The following FNDC3B variants were observed in gnomAD, a reference collection of about 807,000 sequenced individuals.
FNDC3B encodes the protein fibronectin type III domain containing 3B.
Under a neutral mutation model 151.5 loss-of-function variants are expected in FNDC3B, and 12 were observed. That is an observed-to-expected ratio of 0.08 (90% CI 0.05 to 0.13). The LOEUF (loss-of-function observed/expected upper bound fraction) is 0.13. Ranked by LOEUF, FNDC3B falls within the 10% of genes least tolerant of loss-of-function variation. The pLI, the probability that FNDC3B is intolerant of heterozygous loss-of-function variation, is 1.00. For synonymous variants in FNDC3B, 528 were observed against 549.0 expected, an observed-to-expected ratio of 0.96 and a Z score of 0.54; for missense variants, 1,214 against 1,505.3, an observed-to-expected ratio of 0.81 and a Z score of 3.20.
At chr3:172,197,786 CTG>C (rs1724913576) in intron 3 of FNDC3B, among the ~76,000 whole-genome samples, 1 of 152,214 alleles carries the variant, frequency 6.6e-6, no homozygotes, top group Non-Finnish European at 1.5e-5. Flanking sequence ...AGAAGTGACA[CTG>C]TGCTCTCATT....
In FNDC3B at chr3:172,352,993, C is replaced by A; in HGVS notation, c.2705C>A (p.Ala902Asp). The change falls in exon 22 of 26, where the codon GCT becomes GAT. Residue 902 changes from alanine to aspartate, a missense_variant. By Grantham distance (126) the Ala-to-Asp change is moderately radical (BLOSUM62 -2). Transcript: ENST00000415807. This position sits in a 1 kb window ranked among gnomAD's most constrained non-coding sequence, Gnocchi z 4.2. Reference sequence around the variant, plus strand: ...TGCAATAACGGATCTGAAATCCTTGCTTACACCATTGATCTAGGAGACACT... The same window carrying A: ...TGCAATAACGGATCTGAAATCCTTGATTACACCATTGATCTAGGAGACACT... ...EPCNNGSEIL[A>D]YTIDLGDTSI... 1 of 1,614,160 alleles carries A rather than the reference C, an allele frequency of 6.2e-7. No individual in the cohort carries two copies. Among genetic ancestry groups the A allele is most frequent in the Non-Finnish European group, 8.5e-7 (1 of 1,180,016 alleles).
intron 3 of FNDC3B, among the ~76,000 whole-genome samples, chr3:172,205,653 A>G (rs926335996): frequency 4.6e-5 from 7 of 152,164 alleles, no homozygotes; most frequent in Non-Finnish European, 8.8e-5. Flanking sequence ...AGAGTTTTCT[A>G]TTTATCTTTC....
chr3:172,090,701 T>C lies in FNDC3B; in HGVS notation c.-28-21751T>C, dbSNP rs112402662. On this transcript the variant is annotated intron_variant, in intron 1 of 25. Coordinates refer to ENST00000415807, the MANE Select transcript of FNDC3B (RefSeq NM_022763.4). Reference sequence around the variant, plus strand: ...TCCGGGTACTGAAGATAATACAGATTGAGTATCTGCAATTTGAAAATCCAA... The same window carrying C: ...TCCGGGTACTGAAGATAATACAGATCGAGTATCTGCAATTTGAAAATCCAA... Among the ~76,000 whole-genome samples, 920 of 152,276 alleles carry C rather than the reference T, an allele frequency of 6.0e-3. 5 individuals carry two copies. Among genetic ancestry groups the C allele is most frequent in the African/African-American group, 0.021 (867 of 41,532 alleles).
intron 22 of FNDC3B, among the ~76,000 whole-genome samples, chr3:172,356,330 G>A (rs1734096659): frequency 6.6e-6 from 1 of 152,146 alleles, no homozygotes; most frequent in South Asian, 2.1e-4. Context: ...CATTAAAAAG[G>A]GGATAATAAT....
At chr3:172,388,359 A>G (rs1735833902) in intron 25 of FNDC3B, among the ~76,000 whole-genome samples, 2 of 152,240 alleles carry the variant, frequency 1.3e-5, no homozygotes, top group Non-Finnish European at 2.9e-5. Flanking sequence ...AAACATGTCA[A>G]GATTACTTTA....
At chr3:172,125,642 A>T (rs1720775477) in intron 2 of FNDC3B, among the ~76,000 whole-genome samples, 1 of 152,208 alleles carries the variant, frequency 6.6e-6, no homozygotes, top group Non-Finnish European at 1.5e-5. Flanking sequence ...AAACCTTGTA[A>T]GATTTGAACA....
chr3:172,346,409 C>T lies in FNDC3B; in HGVS notation c.2333C>T (p.Thr778Ile), dbSNP rs779461095. The change falls in exon 20 of 26, where the codon ACA (threonine) becomes ATA (isoleucine). Residue 778 changes from threonine to isoleucine, a missense_variant. Thr to Ile is a moderately conservative substitution (Grantham distance 89). Around this residue, in one of 7 missense-constraint regions of FNDC3B, gnomAD observed 380 missense variants for 420.9 expected, o/e 0.90. Transcript: ENST00000415807. The stretch of plus-strand genomic sequence containing the variant: ...TGCAAAGCACCTTGTATTTCTTGTA[C>T]ACCTGATGGATGTGTCTTAGTGGGT... ...GQCKAPCISC[T>I]PDGCVLVGWE... 28 of 1,613,190 alleles carry T rather than the reference C, an allele frequency of 1.7e-5. No homozygotes were observed. The highest frequency in any genetic ancestry group is 2.2e-5 in the Non-Finnish European group (26 of 1,179,284).
At chr3:172,229,570 A>T (rs1726783084) in intron 4 of FNDC3B, among the ~76,000 whole-genome samples, 1 of 152,108 alleles carries the variant, frequency 6.6e-6, no homozygotes, top group African/African-American at 2.4e-5. Flanking sequence ...TTTTTTCAGC[A>T]TCTGTGATTC....
intron 3 of FNDC3B, among the ~76,000 whole-genome samples, chr3:172,226,032 G>A (rs1394662181): frequency 6.6e-6 from 1 of 152,004 alleles, no homozygotes; most frequent in Non-Finnish European, 1.5e-5. Context: ...TCTAGACCTG[G>A]CACGGTGGCT....
At chr3:172,137,816 TTATTCTCACTTGGGGTTAGCC>T (rs1721447670) in intron 3 of FNDC3B, among the ~76,000 whole-genome samples, 1 of 152,196 alleles carries the variant, frequency 6.6e-6, no homozygotes, top group Non-Finnish European at 1.5e-5. Flanking sequence ...AGGTCATAGT[TTATTCTCACTTGGGGTTAGCC>T]TATACCTATG....
In FNDC3B at chr3:172,072,970, C is replaced by T. The variant is rs563284561; in HGVS notation, c.-29+33199C>T. On this transcript the variant is annotated intron_variant, in intron 1 of 25. Transcript: ENST00000415807. Reference sequence around the variant, plus strand: ...TTTTCTTTGTGTTGATGAAAAGGGCCGGAGTAGTTGTTTCCACCAGCCATG... The same window carrying T: ...TTTTCTTTGTGTTGATGAAAAGGGCTGGAGTAGTTGTTTCCACCAGCCATG... Among the ~76,000 whole-genome samples the T allele has an allele frequency of 2.9e-4, 44 of 152,174 alleles. 1 individual carries two copies. The highest frequency in any genetic ancestry group is 1.3e-4 in the Admixed American group (2 of 15,272).
chr3:172,059,098 A>G (rs913399040), intron 1 of FNDC3B, among the ~76,000 whole-genome samples: 9 of 152,176 alleles, frequency 5.9e-5, no homozygotes, highest in Non-Finnish European at 1.0e-4. Flanking sequence ...GTCACTATTA[A>G]TGCTTACAGG....
chr3:172,303,479 A>G (rs1306019011), intron 9 of FNDC3B, among the ~76,000 whole-genome samples: 1 of 152,250 alleles, frequency 6.6e-6, no homozygotes, highest in Non-Finnish European at 1.5e-5. Context: ...ATCGTGCTAG[A>G]AAAAGTTGGA....
intron 22 of FNDC3B, among the ~76,000 whole-genome samples, chr3:172,361,520 C>T (rs977705536): frequency 6.6e-6 from 1 of 152,182 alleles, no homozygotes; most frequent in African/African-American, 2.4e-5. Context: ...TGCTCCAGTT[C>T]CCAAAAGTTC....
chr3:172,342,224 A>C (rs1302952884), intron 17 of FNDC3B, among the ~76,000 whole-genome samples: 1 of 152,206 alleles, frequency 6.6e-6, no homozygotes, highest in Non-Finnish European at 1.5e-5. Context: ...CTGTGAGGAG[A>C]AGGTCCAGCT....
chr3:172,169,826 A>G (rs1723199370), intron 3 of FNDC3B, among the ~76,000 whole-genome samples: 1 of 152,192 alleles, frequency 6.6e-6, no homozygotes, highest in Non-Finnish European at 1.5e-5. Context: ...TTTAAACGGC[A>G]CTTTATAAAA....
At chr3:172,119,417 G>A (rs1028335657) in intron 2 of FNDC3B, among the ~76,000 whole-genome samples, 2 of 150,984 alleles carry the variant, frequency 1.3e-5, no homozygotes, top group South Asian at 2.1e-4. Context: ...TTACACATAC[G>A]TGAAATCACA....
intron 3 of FNDC3B, among the ~76,000 whole-genome samples, chr3:172,212,609 G>C (rs1725786643): frequency 6.6e-6 from 1 of 152,186 alleles, no homozygotes; most frequent in Non-Finnish European, 1.5e-5. Flanking sequence ...CTGTTTTCTA[G>C]AATCTGCAAG....
rs532015322 is a variant in FNDC3B at position 172,178,311 on chromosome 3, AC to A, written c.187+44769del. Among the ~76,000 whole-genome samples the A allele has an allele frequency of 2.6e-5, 4 of 152,032 alleles. No homozygotes were observed. The South Asian group carries it at 6.2e-4, about 24-fold the overall frequency. The stretch of plus-strand genomic sequence containing the variant: ...TGCTGACCTGTGGACATTAGCCCAA[AC>A]CCCAGCAAACCCATTAGGCATGATA... On this transcript the variant is annotated intron_variant, in intron 3 of 25. Transcript: ENST00000415807.
Sources: allele counts gnomAD v4.1 joint callset (sites outside exome capture counted in the v4.1 genomes callset), GRCh38; gene constraint gnomAD v4.1.1; regional missense constraint gnomAD v4.1.1; non-coding constraint Gnocchi (gnomAD v3.1); transcripts MANE v1.5; gene names NCBI Gene and HGNC (gene_info 2026-07-23, HGNC 2026-07-21).